NOS1AP: variants seen among roughly 807,000 people sequenced by gnomAD.
NOS1AP encodes the protein nitric oxide synthase 1 adaptor protein, also known as carboxyl-terminal PDZ ligand of neuronal nitric oxide synthase protein.
In NOS1AP, 21 loss-of-function variants were observed where a neutral mutation model predicts 56.2. The ratio of observed to expected loss-of-function variants is 0.37; its 90% CI spans 0.26 to 0.54. The LOEUF is 0.54. Among genes scored for constraint, NOS1AP ranks in the 20% least tolerant of loss-of-function variants. The pLI, the probability that NOS1AP is intolerant of heterozygous loss-of-function variation, is 0.84. For missense variants in NOS1AP, 522 were observed against 657.8 expected (o/e 0.79, Z 2.26); for synonymous variants, 270 against 274.6 (o/e 0.98, Z 0.17).
At chr1:162,222,014 A>T (rs903485046) in intron 2 of NOS1AP, among the ~76,000 whole-genome samples, 1 of 152,344 alleles carries the variant, frequency 6.6e-6, no homozygotes, top group Admixed American at 6.5e-5. Context: ...ATTTGCCATT[A>T]TAAAAAATGT....
chr1:162,259,545 T>C (rs1019999595), intron 2 of NOS1AP, among the ~76,000 whole-genome samples: 3 of 152,204 alleles, frequency 2.0e-5, no homozygotes, highest in African/African-American at 4.8e-5. Flanking sequence ...ATTTATATGA[T>C]TGTGATTTGG....
intron 4 of NOS1AP, among the ~76,000 whole-genome samples, chr1:162,313,317 A>G (rs1264725811): frequency 1.3e-5 from 2 of 152,258 alleles, no homozygotes; most frequent in African/African-American, 4.8e-5. Flanking sequence ...AAAGTAGTGA[A>G]GAGTTTTATA....
At chr1:162,210,854 A>C (rs1295548607) in intron 2 of NOS1AP, among the ~76,000 whole-genome samples, 2 of 152,216 alleles carry the variant, frequency 1.3e-5, no homozygotes, top group Non-Finnish European at 1.5e-5. Context: ...GCTATTGCAC[A>C]CAACGAGTAT....
intron 2 of NOS1AP, among the ~76,000 whole-genome samples, chr1:162,283,225 G>A (rs1424896856): frequency 1.3e-5 from 2 of 151,980 alleles, no homozygotes; most frequent in African/African-American, 4.8e-5. Flanking sequence ...TCTTTAGGGA[G>A]CTACACATTT....
intron 1 of NOS1AP, among the ~76,000 whole-genome samples, chr1:162,086,952 G>A (rs1692016054): frequency 6.6e-6 from 1 of 152,164 alleles, no homozygotes; most frequent in Non-Finnish European, 1.5e-5. Context: ...GCAAATACTA[G>A]TTTCTCACCC....
At chr1:162,153,915 TA>T (rs1649820343) in intron 1 of NOS1AP, among the ~76,000 whole-genome samples, 3 of 152,060 alleles carry the variant, frequency 2.0e-5, no homozygotes, top group African/African-American at 7.2e-5. Context: ...GTCAGGTATC[TA>T]AAACATCTAG....
chr1:162,200,078 T>C (rs1256592016), intron 2 of NOS1AP, among the ~76,000 whole-genome samples: 2 of 152,272 alleles, frequency 1.3e-5, no homozygotes, highest in Admixed American at 6.5e-5. Flanking sequence ...GTTCTTCCAT[T>C]TGTGCACTGG....
intron 5 of NOS1AP, among the ~76,000 whole-genome samples, chr1:162,335,065 T>C (rs1656897153): frequency 6.6e-6 from 1 of 152,230 alleles, no homozygotes. Context: ...AACTTTGATC[T>C]TGAAGTGAAG....
chr1:162,192,677 T>C (rs752417876), intron 2 of NOS1AP, among the ~76,000 whole-genome samples: 12 of 152,218 alleles, frequency 7.9e-5, no homozygotes, highest in Non-Finnish European at 1.8e-4. Flanking sequence ...CACTGGCCAA[T>C]CCCTTTGCTG....
chr1:162,351,408 C>G (rs1657490235), intron 6 of NOS1AP, among the ~76,000 whole-genome samples: 2 of 152,294 alleles, frequency 1.3e-5, no homozygotes, highest in South Asian at 4.1e-4. Flanking sequence ...CTGAACAGCA[C>G]TGGAGAAAAC....
chr1:162,241,567 TATTATCCTC>T (rs1314376966), intron 2 of NOS1AP, among the ~76,000 whole-genome samples: 5 of 152,154 alleles, frequency 3.3e-5, no homozygotes, highest in Admixed American at 6.5e-5. Context: ...TAGATACTAT[TATTATCCTC>T]ATTTTACAGA....
At chr1:162,193,962 G>A (rs547064026) in intron 2 of NOS1AP, among the ~76,000 whole-genome samples, 1 of 152,286 alleles carries the variant, frequency 6.6e-6, no homozygotes, top group African/African-American at 2.4e-5. Context: ...AGAGCTGCCA[G>A]CTTACTGGAG....
intron 4 of NOS1AP, among the ~76,000 whole-genome samples, chr1:162,329,181 A>C (rs1204534293): frequency 6.6e-6 from 1 of 152,232 alleles, no homozygotes; most frequent in African/African-American, 2.4e-5. Context: ...AAAGCATAAC[A>C]GTTCTGTTAG....
intron 4 of NOS1AP, among the ~76,000 whole-genome samples, chr1:162,329,247 GC>G (rs1199740897): frequency 6.6e-6 from 1 of 151,966 alleles, no homozygotes; most frequent in Non-Finnish European, 1.5e-5. Context: ...AAATTTTAGG[GC>G]CAGCTGTGGT....
At chr1:162,363,855 C>A in intron 8 of NOS1AP, 1 of 985,456 alleles carries the variant, frequency 1.0e-6, no homozygotes, top group Non-Finnish European at 1.2e-6. Flanking sequence ...AATATCAGTT[C>A]TGTCCTTAGC....
At chr1:162,276,143 C>A (rs576731909) in intron 2 of NOS1AP, among the ~76,000 whole-genome samples, 3 of 152,164 alleles carry the variant, frequency 2.0e-5, no homozygotes, top group African/African-American at 4.8e-5. Context: ...TACTGACCCT[C>A]GGAGTCAAGG....
chr1:162,164,484 C>T (rs1650383657), intron 2 of NOS1AP, among the ~76,000 whole-genome samples: 1 of 152,198 alleles, frequency 6.6e-6, no homozygotes, highest in African/African-American at 2.4e-5. Context: ...TTTCATCCTT[C>T]CTAAGATGAA....
rs548367098 is a variant in NOS1AP, at chr1:162,306,083, G to T, written c.344+5377G>T. On this transcript the variant is annotated intron_variant, in intron 4 of 9. Transcript: ENST00000361897. ...GACCTGTACAATTTCAGTAGGAGCTGGGAAGTAAAAAGTCTAGAAAGGCTC... is the reference window on the plus strand; with the variant it reads ...GACCTGTACAATTTCAGTAGGAGCTTGGAAGTAAAAAGTCTAGAAAGGCTC... Among the ~76,000 whole-genome samples the T allele has an allele frequency of 2.2e-4, 33 of 152,254 alleles. No individual in the cohort carries two copies. In the South Asian group the frequency reaches 5.8e-3, roughly 27 times the overall value.
chr1:162,182,517 G>T (rs114272952), intron 2 of NOS1AP, among the ~76,000 whole-genome samples: 5,357 of 152,302 alleles, frequency 0.035, 135 homozygotes, highest in Non-Finnish European at 0.049. Flanking sequence ...CAAGGATTGA[G>T]TCTTCCTTTT....
Sources: gnomAD v4.1 joint callset for allele counts (sites outside exome capture counted in the v4.1 genomes callset) on GRCh38, gnomAD v4.1.1 for gene constraint, MANE v1.5 for transcripts, NCBI Gene and HGNC (gene_info 2026-07-23, HGNC 2026-07-21) for gene names.